Variants in SMYD3 observed in about 807,000 individuals in gnomAD.
SMYD3 encodes the protein histone-lysine N-methyltransferase SMYD3.
Under a neutral mutation model 57.7 loss-of-function variants are expected in SMYD3, and 36 were observed. That is an observed-to-expected ratio of 0.62 (90% CI 0.48 to 0.82). The LOEUF (loss-of-function observed/expected upper bound fraction) is 0.82. Ranked by LOEUF, SMYD3 falls within the 40% of genes least tolerant of loss-of-function variation. The pLI is 0.00. For synonymous variants in SMYD3, 211 were observed against 195.0 expected, an observed-to-expected ratio of 1.08 and a Z score of -0.68; for missense variants, 515 against 538.8, an observed-to-expected ratio of 0.96 and a Z score of 0.44.
intron 2 of SMYD3, among the ~76,000 whole-genome samples, chr1:246,347,542 T>A (rs1572405380): frequency 1.3e-5 from 2 of 152,198 alleles, no homozygotes; most frequent in East Asian, 3.8e-4. Context: ...TTGAAAGGTG[T>A]GTGCAATGGT....
At chr1:246,457,939 CTATAG>C (rs2067728616) in intron 1 of SMYD3, among the ~76,000 whole-genome samples, 1 of 152,154 alleles carries the variant, frequency 6.6e-6, no homozygotes, top group Non-Finnish European at 1.5e-5. Flanking sequence ...ATAAACTTTC[CTATAG>C]TATTTTGTTC....
rs112635419 is a variant in SMYD3, at chr1:245,883,835, T to G, written c.814-19949A>C. On this transcript the variant is annotated intron_variant, in intron 8 of 11. Coordinates refer to ENST00000490107, the MANE Select transcript of SMYD3 (RefSeq NM_001167740.2). Reference sequence around the variant, plus strand: ...TCTAGGCTATTGAGTACATAGTAGGTATTTAGTAAATGCTGGTTGTCGTGG... The same window carrying G: ...TCTAGGCTATTGAGTACATAGTAGGGATTTAGTAAATGCTGGTTGTCGTGG... Among the ~76,000 whole-genome samples the G allele has an allele frequency of 2.6e-3, 403 of 152,332 alleles. 1 individual carries two copies. Among genetic ancestry groups the G allele is most frequent in the African/African-American group, 9.4e-3 (392 of 41,582 alleles).
chr1:246,081,966 T>C (rs1277119154), intron 5 of SMYD3, among the ~76,000 whole-genome samples: 2 of 152,204 alleles, frequency 1.3e-5, no homozygotes, highest in East Asian at 1.9e-4. Flanking sequence ...TCCTGGATAT[T>C]TGAGGAGTTC....
intron 5 of SMYD3, among the ~76,000 whole-genome samples, chr1:246,167,602 C>G (rs1331998393): frequency 6.6e-6 from 1 of 151,682 alleles, no homozygotes; most frequent in Non-Finnish European, 1.5e-5. Context: ...CCTCTGCCTC[C>G]CGGGTTCAAG....
At chr1:246,171,992 C>T (rs550315216) in intron 5 of SMYD3, among the ~76,000 whole-genome samples, 1 of 152,170 alleles carries the variant, frequency 6.6e-6, no homozygotes, top group East Asian at 1.9e-4. Flanking sequence ...TCCTGGGTGA[C>T]AGACTATGAC....
Position 245,920,303 on chromosome 1 carries a change from A to T in SMYD3, c.703-4663T>A, listed in dbSNP as rs528192952. ...ACTCCAGCCTGGGCGACAGAGCGAGACTCCGTCTCAAAAAAAAAAAAAAAA... is the reference window on the plus strand; with the variant it reads ...ACTCCAGCCTGGGCGACAGAGCGAGTCTCCGTCTCAAAAAAAAAAAAAAAA... On this transcript the variant is annotated intron_variant, in intron 7 of 11. Coordinates refer to ENST00000490107, the MANE Select transcript of SMYD3 (RefSeq NM_001167740.2). Among the ~76,000 whole-genome samples, 543 of 106,594 alleles carry T rather than the reference A, an allele frequency of 5.1e-3. 8 individuals carry two copies. The highest frequency in any genetic ancestry group is 0.038 in the Admixed American group (321 of 8,548). 69.9% of individuals were successfully genotyped at this position (106,594 alleles called of 152,430 possible).
intron 5 of SMYD3, among the ~76,000 whole-genome samples, chr1:245,958,588 C>A (rs2057915733): frequency 6.6e-6 from 1 of 152,210 alleles, no homozygotes; most frequent in East Asian, 1.9e-4. Flanking sequence ...AGGTTCTCCT[C>A]CTCCGTAGCA....
intron 1 of SMYD3, among the ~76,000 whole-genome samples, chr1:246,481,454 T>C (rs2068099093): frequency 6.6e-6 from 1 of 150,806 alleles, no homozygotes; most frequent in Admixed American, 6.6e-5. Flanking sequence ...TCTCTCTGAT[T>C]ACTTGAGCTG....
intron 2 of SMYD3, among the ~76,000 whole-genome samples, chr1:246,337,959 T>A (rs1279884550): frequency 1.5e-5 from 1 of 67,318 alleles, no homozygotes; most frequent in Admixed American, 1.3e-4. Context: ...TTAACATAAT[T>A]GATATAGAGC....
rs111396654 is a variant in SMYD3 at position 246,309,183 on chromosome 1, T to TA, written c.531+18017dup. ...AAAAAGTTAAAAAAAGCTTAATTGT[T>TA]AAAAAAAAGTTTAATTCTCATTTAA... On this transcript the variant is annotated intron_variant, in intron 5 of 11. Transcript: ENST00000490107. Among the ~76,000 whole-genome samples, 30 of 152,074 alleles carry TA rather than the reference T, an allele frequency of 2.0e-4. No homozygotes were observed. The South Asian group carries it at 3.1e-3, about 16-fold the overall frequency.
chr1:245,790,863 A>G (rs779536283), intron 10 of SMYD3, among the ~76,000 whole-genome samples: 3 of 152,204 alleles, frequency 2.0e-5, no homozygotes, highest in Non-Finnish European at 4.4e-5. Flanking sequence ...TTTCCAGATA[A>G]AATGATTTTT....
intron 5 of SMYD3, among the ~76,000 whole-genome samples, chr1:246,107,294 GAAAAA>G (rs918207260): frequency 3.6e-5 from 5 of 138,148 alleles, no homozygotes; most frequent in African/African-American, 1.3e-4. Context: ...CGCAAAAAAA[GAAAAA>G]AAAAAAGAAT....
chr1:245,863,845 T>G lies in SMYD3; in HGVS notation c.855A>C (p.Glu285Asp), dbSNP rs565702852. The G allele has an allele frequency of 1.8e-5, 29 of 1,614,178 alleles. No individual in the cohort carries two copies. In the East Asian group the frequency reaches 6.0e-4, roughly 33 times the overall value. Residue 285 changes from glutamate to aspartate, a missense_variant, in exon 9 of 12, where the codon GAA becomes GAC. By Grantham distance (45) the Glu-to-Asp change is conservative (BLOSUM62 2). Coordinates refer to ENST00000490107, the MANE Select transcript of SMYD3 (RefSeq NM_001167740.2). ...MLTGDEQVWK[E>D]VQESLKKIEE... is the part of the protein sequence containing the mutation. ...CAATTTTTTTCAGGGATTCTTGAAC[T>G]TCCTTCCATACTTGCTCATCACCAG...
intron 5 of SMYD3, among the ~76,000 whole-genome samples, chr1:246,322,970 G>A (rs184327952): frequency 1.3e-3 from 192 of 152,262 alleles, no homozygotes; most frequent in African/African-American, 3.5e-3. Context: ...AACCTTCTCC[G>A]GAGGAGGTTG....
chr1:246,177,271 T>G (rs1231320420), intron 5 of SMYD3, among the ~76,000 whole-genome samples: 1 of 152,232 alleles, frequency 6.6e-6, no homozygotes, highest in Non-Finnish European at 1.5e-5. Context: ...TGCTGTCTTC[T>G]TAAATTACAT....
At chr1:245,924,655 C>CTTTTTT (rs150323644) in intron 7 of SMYD3, among the ~76,000 whole-genome samples, 2 of 94,708 alleles carry the variant, frequency 2.1e-5, no homozygotes, top group African/African-American at 7.7e-5. Context: ...TCTATTCCAG[C>CTTTTTT]TTTTTTTTTT....
At chr1:246,315,118 G>GA (rs1445567294) in intron 5 of SMYD3, among the ~76,000 whole-genome samples, 1 of 152,008 alleles carries the variant, frequency 6.6e-6, no homozygotes, top group Non-Finnish European at 1.5e-5. Flanking sequence ...AGGGAGAGGA[G>GA]AAAAAATGGG....
intron 1 of SMYD3, among the ~76,000 whole-genome samples, chr1:246,480,494 AT>A (rs1219388057): frequency 2.0e-5 from 3 of 152,236 alleles, no homozygotes; most frequent in Non-Finnish European, 4.4e-5. Context: ...CTATATTAAA[AT>A]GTTTCAAATA....
intron 5 of SMYD3, among the ~76,000 whole-genome samples, chr1:246,168,094 T>C (rs549531028): frequency 6.6e-6 from 1 of 152,324 alleles, no homozygotes; most frequent in African/African-American, 2.4e-5. Context: ...TTAGTCACTA[T>C]GAGACCTTGA....
Sources: gnomAD v4.1 joint callset for allele counts (sites outside exome capture counted in the v4.1 genomes callset) on GRCh38, gnomAD v4.1.1 for gene constraint, MANE v1.5 for transcripts, NCBI Gene and HGNC (gene_info 2026-07-23, HGNC 2026-07-21) for gene names.